Variants in MAPRE2 observed in about 807,000 individuals in gnomAD.
The protein encoded by MAPRE2 is microtubule-associated protein RP/EB family member 2.
MAPRE2 carries 13 observed loss-of-function variants against 43.2 expected under a neutral mutation model. That is an observed-to-expected ratio of 0.30 (90% confidence interval 0.20 to 0.48). The LOEUF is 0.48. Ranked by LOEUF, MAPRE2 falls within the 20% of genes least tolerant of loss-of-function variation. MAPRE2 has a pLI of 0.99. For missense variants in MAPRE2, 161 were observed against 400.2 expected (o/e 0.40, Z 5.10); for synonymous variants, 135 against 148.8 (o/e 0.91, Z 0.68).
intron 2 of MAPRE2, among the ~76,000 whole-genome samples, chr18:35,012,154 A>C (rs745348135): frequency 6.6e-6 from 1 of 152,116 alleles, no homozygotes; most frequent in Non-Finnish European, 1.5e-5. Context: ...CACATTGTAA[A>C]CGTGAGGACA....
intron 5 of MAPRE2, 75 bp downstream of exon 5, chr18:35,127,162 G>T (rs765793764): frequency 1.9e-5 from 29 of 1,495,884 alleles, no homozygotes; most frequent in Middle Eastern, 1.7e-4. Context: ...GATCCCCTAG[G>T]ACTGGGGTAA....
At chr18:35,007,147 G>A (rs1211574449) in intron 2 of MAPRE2, among the ~76,000 whole-genome samples, 1 of 152,184 alleles carries the variant, frequency 6.6e-6, no homozygotes, top group East Asian at 1.9e-4. Context: ...TATAGCTGCG[G>A]ATCATAAGTG....
At chr18:34,985,043 T>A (rs868373541) in intron 1 of MAPRE2, among the ~76,000 whole-genome samples, 1 of 51,388 alleles carries the variant, frequency 1.9e-5, no homozygotes, top group African/African-American at 8.1e-5. Context: ...ATATAATATA[T>A]AAAATATATT....
chr18:34,982,466 C>T (rs986410254), intron 1 of MAPRE2, among the ~76,000 whole-genome samples: 8 of 152,160 alleles, frequency 5.3e-5, no homozygotes, highest in Non-Finnish European at 1.2e-4. Context: ...TTGGAGGCCA[C>T]GAAGAATAAA....
intron 4 of MAPRE2, among the ~76,000 whole-genome samples, chr18:35,126,721 GA>G (rs915621562): frequency 1.4e-4 from 21 of 146,324 alleles, no homozygotes; most frequent in African/African-American, 2.7e-4. Flanking sequence ...GTTACTTGAG[GA>G]AAAAAAAAAC....
At chr18:35,011,895 G>T (rs558791899) in intron 2 of MAPRE2, among the ~76,000 whole-genome samples, 1 of 152,052 alleles carries the variant, frequency 6.6e-6, no homozygotes, top group South Asian at 2.1e-4. Context: ...GTAAAGAAAG[G>T]GGGACAGGAA....
chr18:35,054,682 GTTTT>G (rs1442194509), intron 1 of MAPRE2, among the ~76,000 whole-genome samples: 1 of 152,090 alleles, frequency 6.6e-6, no homozygotes, highest in East Asian at 1.9e-4. Flanking sequence ...GGATGTGTGG[GTTTT>G]TTTGTTTGTT....
intron 1 of MAPRE2, among the ~76,000 whole-genome samples, chr18:34,997,317 T>C (rs2097027004): frequency 6.6e-6 from 1 of 152,214 alleles, no homozygotes; most frequent in Non-Finnish European, 1.5e-5. Context: ...AAAGGATTTC[T>C]TAGCATCCTT....
chr18:35,062,184 A>G (rs1022440985), intron 1 of MAPRE2, among the ~76,000 whole-genome samples: 3 of 152,156 alleles, frequency 2.0e-5, no homozygotes, highest in African/African-American at 7.2e-5. Context: ...GATGGGACTG[A>G]ATATCTTCAT....
chr18:35,070,062 A>G (rs552526547), intron 1 of MAPRE2, 133 bp from the exon 2 acceptor site: 2 of 536,564 alleles, frequency 3.7e-6, no homozygotes, highest in South Asian at 9.9e-5. Context: ...ATAGAAAAAG[A>G]TGCTAAAGGG....
chr18:35,068,478 T>C (rs919234565), intron 1 of MAPRE2, among the ~76,000 whole-genome samples: 1 of 152,216 alleles, frequency 6.6e-6, no homozygotes, highest in African/African-American at 2.4e-5. Context: ...TTTCAATGGA[T>C]TGAAACATAT....
At chr18:35,019,928 A>G (rs971406540) in intron 2 of MAPRE2, among the ~76,000 whole-genome samples, 68 of 152,198 alleles carry the variant, frequency 4.5e-4, no homozygotes, top group African/African-American at 1.6e-3. Flanking sequence ...TATTCTTAAG[A>G]ACAATGGATG....
At chr18:35,078,952 T>A (rs115171173) in intron 2 of MAPRE2, among the ~76,000 whole-genome samples, 3,790 of 151,778 alleles carry the variant, frequency 0.025, 67 homozygotes, top group South Asian at 0.051. Flanking sequence ...CCGCCTGTTC[T>A]CTCTGATTGT....
intron 1 of MAPRE2, among the ~76,000 whole-genome samples, chr18:35,047,021 G>A (rs75107927): frequency 6.6e-6 from 1 of 152,126 alleles, no homozygotes; most frequent in African/African-American, 2.4e-5. Flanking sequence ...GATGTAAAAA[G>A]TTCCGATGTG....
intron 3 of MAPRE2, among the ~76,000 whole-genome samples, chr18:35,100,987 C>A (rs946889579): frequency 6.6e-6 from 1 of 152,112 alleles, no homozygotes. Context: ...TGCAGTCAGC[C>A]GAGATCGTGC....
Position 35,127,074 on chromosome 18 carries a change from A to C in MAPRE2, c.737A>C (p.Gln246Pro). 2 of 1,614,172 alleles carry C rather than the reference A, an allele frequency of 1.2e-6. No homozygotes were observed. The highest frequency in any genetic ancestry group is 2.2e-5 in the East Asian group (1 of 44,882). The change falls in exon 5 of 7, where the codon CAG becomes CCG. Residue 246 changes from glutamine (Q) to proline (P), a missense_variant. By Grantham distance (76) the Gln-to-Pro change is moderately conservative (BLOSUM62 -1). Transcript: ENST00000300249. The stretch of plus-strand genomic sequence containing the variant: ...AAAGATTTAGAAACGCAGGTCATAC[A>C]GCTTAATGAACAGGTAATGCATCAG... ...SDKDLETQVI[Q>P]LNEQVHSLKL... is the part of the protein sequence containing the mutation.
intron 1 of MAPRE2, among the ~76,000 whole-genome samples, chr18:35,048,089 C>G (rs762986665): frequency 2.6e-5 from 4 of 152,190 alleles, no homozygotes; most frequent in African/African-American, 9.7e-5. Context: ...CTGGCACCAG[C>G]ATCTGCTCAG....
chr18:35,051,849 G>T (rs1905954341), intron 1 of MAPRE2, among the ~76,000 whole-genome samples: 1 of 152,178 alleles, frequency 6.6e-6, no homozygotes, highest in African/African-American at 2.4e-5. Flanking sequence ...AGAACATAAG[G>T]TGTGCCAAAC....
At chr18:35,087,397 G>A (rs1196463341) in intron 2 of MAPRE2, among the ~76,000 whole-genome samples, 9 of 152,136 alleles carry the variant, frequency 5.9e-5, no homozygotes, top group Non-Finnish European at 4.4e-5. Flanking sequence ...AATTTGGGTT[G>A]TGTTACTTGA....
Sources: gnomAD v4.1 joint callset for allele counts (sites outside exome capture counted in the v4.1 genomes callset) on GRCh38, gnomAD v4.1.1 for gene constraint, MANE v1.5 for transcripts, NCBI Gene and HGNC (gene_info 2026-07-23, HGNC 2026-07-21) for gene names.